The following ERCC3 variants were observed in gnomAD, a reference collection of about 807,000 sequenced individuals.
ERCC3 encodes the protein ERCC excision repair 3, TFIIH core complex helicase subunit, also known as general transcription and DNA repair factor IIH helicase/translocase subunit XPB.
In ERCC3, 66 loss-of-function variants were observed where a neutral mutation model predicts 94.2. The ratio of observed to expected loss-of-function variants is 0.70; its 90% CI spans 0.57 to 0.86. ERCC3 has a LOEUF of 0.86. Ranked by LOEUF, ERCC3 falls within the 40% of genes least tolerant of loss-of-function variation. The probability of loss-of-function intolerance (pLI) is 0.00; values close to 1 mark genes in which losing one functional copy is unlikely to be tolerated. For synonymous variants in ERCC3, 349 were observed against 369.1 expected (o/e 0.95, Z 0.63); for missense variants, 829 against 987.1 (o/e 0.84, Z 2.15).
rs1254717479 is a variant in ERCC3 at position 127,288,649 on chromosome 2, G to C, written c.1027+11C>G. On this transcript the variant is annotated intron_variant, in intron 7 of 14. Coordinates refer to ENST00000285398, the MANE Select transcript of ERCC3 (RefSeq NM_000122.2). The stretch of plus-strand genomic sequence containing the variant: ...CAGCCTGACCACCTTCTTAACTCTG[G>C]TACCACTTACCGCAGGGAAGAACAA... The C allele has an allele frequency of 6.2e-7, 1 of 1,612,280 alleles. No individual in the cohort carries two copies. Among genetic ancestry groups the C allele is most frequent in the Admixed American group, 1.7e-5 (1 of 60,018 alleles).
chr2:127,278,055 C>T (rs1286225381), intron 10 of ERCC3, among the ~76,000 whole-genome samples: 1 of 151,914 alleles, frequency 6.6e-6, no homozygotes, highest in Non-Finnish European at 1.5e-5. Flanking sequence ...GCCTGGGCAA[C>T]ATAGCAAAAC....
rs748317967 is a variant in ERCC3, at chr2:127,257,471, C to T, written c.*125G>A. On this transcript the variant is annotated 3_prime_UTR_variant, in exon 15 of 15. Transcript: ENST00000285398. This position sits in a 1 kb window ranked among gnomAD's most constrained non-coding sequence, Gnocchi z 5.4. Reference sequence around the variant, plus strand: ...CACAGCCAAGCCCTTGATGCATCTTCCTCAGCACAATTTGGCCAACGCTGG... The same window carrying T: ...CACAGCCAAGCCCTTGATGCATCTTTCTCAGCACAATTTGGCCAACGCTGG... 4.1e-6 allele frequency: 5 copies of T among 1,204,974 alleles called. No individual in the cohort carries two copies. Among genetic ancestry groups the T allele is most frequent in the East Asian group, 2.3e-5 (1 of 43,022 alleles). The allele number at this position is 1,204,974 out of a possible 1,614,324, so 74.6% of individuals were successfully genotyped here. A position where few individuals can be genotyped will look rare whatever the true frequency, so the allele number is the denominator to read the frequency against.
At chr2:127,283,248 C>G (rs1684971821) in intron 8 of ERCC3, among the ~76,000 whole-genome samples, 1 of 152,118 alleles carries the variant, frequency 6.6e-6, no homozygotes, top group African/African-American at 2.4e-5. Flanking sequence ...CCTGTGCTCT[C>G]CTTTAGAGTC....
At chr2:127,293,446 G>A (rs1351177838) in intron 2 of ERCC3, 67 bp downstream of exon 2, 2 of 1,424,090 alleles carry the variant, frequency 1.4e-6, no homozygotes, top group East Asian at 4.7e-5. Context: ...TTGACTCTGA[G>A]GATGCCCAAG....
intron 8 of ERCC3, among the ~76,000 whole-genome samples, chr2:127,286,426 T>C (rs1685067682): frequency 6.6e-6 from 1 of 151,912 alleles, no homozygotes; most frequent in Non-Finnish European, 1.5e-5. Flanking sequence ...CAGGTGCCTG[T>C]AATCCCAGCT....
At chr2:127,283,361 G>C (rs928426351) in intron 8 of ERCC3, among the ~76,000 whole-genome samples, 1 of 152,178 alleles carries the variant, frequency 6.6e-6, no homozygotes, top group Non-Finnish European at 1.5e-5. Flanking sequence ...TTTTGAGGCT[G>C]ACTTCTTTCA....
intron 12 of ERCC3, among the ~76,000 whole-genome samples, chr2:127,268,944 T>G (rs1684464550): frequency 6.6e-6 from 1 of 152,194 alleles, no homozygotes; most frequent in Admixed American, 6.5e-5. Flanking sequence ...AAAGGTTACT[T>G]GAAAACAAGC....
At chr2:127,265,535 C>A (rs752941983) in intron 12 of ERCC3, among the ~76,000 whole-genome samples, 1 of 152,216 alleles carries the variant, frequency 6.6e-6, no homozygotes, top group Non-Finnish European at 1.5e-5. Context: ...TCTCCTGCCT[C>A]AGCCTCCTGA....
chr2:127,259,623 T>A lies in ERCC3; in HGVS notation c.2065-175A>T. 2.7e-6 allele frequency: 2 copies of A among 750,810 alleles called. No individual in the cohort carries two copies. Among genetic ancestry groups the A allele is most frequent in the Non-Finnish European group, 4.6e-6 (2 of 434,148 alleles). 46.5% of individuals were successfully genotyped at this position (750,810 alleles called of 1,614,324 possible). A position where few individuals can be genotyped will look rare whatever the true frequency, so the allele number is the denominator to read the frequency against. The stretch of plus-strand genomic sequence containing the variant: ...CCAGAGACCAGCATCAGGAGCCGCC[T>A]TTAACAGGGAGCTTGACTAATGATC... On this transcript the variant is annotated intron_variant, in intron 13 of 14. Coordinates refer to ENST00000285398, the MANE Select transcript of ERCC3 (RefSeq NM_000122.2). This position sits in a 1 kb window ranked among gnomAD's most constrained non-coding sequence, Gnocchi z 4.9.
In ERCC3 at chr2:127,257,629, A is replaced by G. The variant is rs1558944942; in HGVS notation, c.2316T>C (p.His772=). The G allele has an allele frequency of 1.2e-6, 2 of 1,614,142 alleles. No homozygotes were observed. The highest frequency in any genetic ancestry group is 1.7e-6 in the Non-Finnish European group (2 of 1,180,030). The part of the protein sequence containing the change: ...HSSRSKAPSK[H]VHPLFKRFRK ...TAAAGCGCTTGAAGAGCGGGTGTAC[A>G]TGTTTGCTGGGCGCCTTGCTCCGCG... is the stretch of plus-strand genomic sequence containing the variant. The change falls in exon 15 of 15, where the codon CAT becomes CAC. Residue 772 remains histidine (H), a synonymous_variant. Transcript: ENST00000285398. The surrounding 1 kb of genome is among the most constrained non-coding windows in gnomAD (Gnocchi z 5.4).
intron 6 of ERCC3, among the ~76,000 whole-genome samples, chr2:127,289,136 C>A (rs527996434): frequency 6.6e-6 from 1 of 152,288 alleles, no homozygotes; most frequent in South Asian, 2.1e-4. Flanking sequence ...GCCTACCAGC[C>A]TGAAAAAGAG....
Position 127,257,480 on chromosome 2 carries a change from A to T in ERCC3, c.*116T>A. 7.6e-7 allele frequency: 1 copy of T among 1,321,724 alleles called. No homozygotes were observed. Among genetic ancestry groups the T allele is most frequent in the Non-Finnish European group, 1.1e-6 (1 of 916,104 alleles). 81.9% of individuals were successfully genotyped at this position (1,321,724 alleles called of 1,614,324 possible). Reference sequence around the variant, plus strand: ...GCCCTTGATGCATCTTCCTCAGCACAATTTGGCCAACGCTGGAGGGAAGGT... The same window carrying T: ...GCCCTTGATGCATCTTCCTCAGCACTATTTGGCCAACGCTGGAGGGAAGGT... On this transcript the variant is annotated 3_prime_UTR_variant, in exon 15 of 15. Coordinates refer to ENST00000285398, the MANE Select transcript of ERCC3 (RefSeq NM_000122.2). This position sits in a 1 kb window ranked among gnomAD's most constrained non-coding sequence, Gnocchi z 5.4.
At chr2:127,265,946 AC>A (rs1684344706) in intron 12 of ERCC3, among the ~76,000 whole-genome samples, 1 of 151,836 alleles carries the variant, frequency 6.6e-6, no homozygotes, top group Non-Finnish European at 1.5e-5. Context: ...TCCTAACAAT[AC>A]CTTTGCTGTA....
In ERCC3 at chr2:127,258,163, A is replaced by T. The variant is rs1684077808; in HGVS notation, c.2218-436T>A. On this transcript the variant is annotated intron_variant, in intron 14 of 14. Transcript: ENST00000285398. The surrounding 1 kb of genome is among the most constrained non-coding windows in gnomAD (Gnocchi z 4.1). ...GACCATGCTGGTCTCAAACTCCTGG[A>T]CTCAACTGATCCTCCCGCCTAGGCC... Among the ~76,000 whole-genome samples, 1 of 151,974 alleles carries T rather than the reference A, an allele frequency of 6.6e-6. No homozygotes were observed. The highest frequency in any genetic ancestry group is 2.4e-5 in the African/African-American group (1 of 41,362).
chr2:127,272,751 C>A, intron 11 of ERCC3, 114 bp downstream of exon 11: 1 of 750,984 alleles, frequency 1.3e-6, no homozygotes, highest in Non-Finnish European at 2.4e-6. Context: ...GAAATGAAAA[C>A]ATGCAGGAGA....
At chr2:127,292,881 A>G in intron 2 of ERCC3, 35 bp from the exon 3 acceptor site, 2 of 1,376,788 alleles carry the variant, frequency 1.5e-6, no homozygotes, top group Non-Finnish European at 2.1e-6. Flanking sequence ...CAGACAAGGA[A>G]ACATGAGTTG....
intron 4 of ERCC3, 191 bp from the exon 5 acceptor site, chr2:127,290,015 A>T: frequency 1.3e-6 from 1 of 794,370 alleles, no homozygotes; most frequent in Admixed American, 2.2e-5. Context: ...TCAAGTAGGC[A>T]GGGGCCTGAG....
chr2:127,293,963 C>T (rs750510765), intron 1 of ERCC3, 91 bp downstream of exon 1: 53 of 1,554,010 alleles, frequency 3.4e-5, no homozygotes, highest in Non-Finnish European at 4.2e-5. Flanking sequence ...CAGGGTCGGC[C>T]GGCGCAGAGG....
chr2:127,263,366 G>A (rs1573930231), intron 12 of ERCC3, among the ~76,000 whole-genome samples: 1 of 152,198 alleles, frequency 6.6e-6, no homozygotes, highest in East Asian at 1.9e-4. Context: ...CCTAGGTTTT[G>A]TCTTTTGTTT....
Sources: allele counts gnomAD v4.1 joint callset (sites outside exome capture counted in the v4.1 genomes callset), GRCh38; gene constraint gnomAD v4.1.1; non-coding constraint Gnocchi (gnomAD v3.1); transcripts MANE v1.5; gene names NCBI Gene and HGNC (gene_info 2026-07-23, HGNC 2026-07-21).